The following DMGDH variants were observed in gnomAD, a reference collection of about 807,000 sequenced individuals.
The protein encoded by DMGDH is dimethylglycine dehydrogenase, mitochondrial.
DMGDH carries 76 observed loss-of-function variants against 95.2 expected under a neutral mutation model. The ratio of observed to expected loss-of-function variants is 0.80; its 90% CI spans 0.66 to 0.97. The LOEUF (loss-of-function observed/expected upper bound fraction) is 0.97. Ranked by LOEUF, DMGDH falls within the 50% of genes least tolerant of loss-of-function variation. The pLI is 0.00. For synonymous variants in DMGDH, 345 were observed against 377.6 expected (o/e 0.91, Z 1.00); for missense variants, 987 against 1,055.0 (o/e 0.94, Z 0.89).
intron 14 of DMGDH, among the ~76,000 whole-genome samples, chr5:79,022,882 T>C (rs145193609): frequency 2.0e-5 from 3 of 152,296 alleles, no homozygotes; most frequent in Admixed American, 6.5e-5. Context: ...CTTTCAAGAG[T>C]TGGGCCATTT....
chr5:79,000,443 G>T, intron 15 of DMGDH: 1 of 620,558 alleles, frequency 1.6e-6, no homozygotes, highest in South Asian at 1.4e-5. Flanking sequence ...ATTTTCACCT[G>T]TTTGGGACAA....
chr5:79,031,306 C>A (rs992123129), intron 9 of DMGDH, among the ~76,000 whole-genome samples: 1 of 152,136 alleles, frequency 6.6e-6, no homozygotes, highest in Non-Finnish European at 1.5e-5. Flanking sequence ...ATAAGTCAAC[C>A]AGTCTGGTGG....
chr5:79,063,618 G>A lies in DMGDH; in HGVS notation c.271C>T (p.His91Tyr). 6.2e-7 allele frequency: 1 copy of A among 1,614,146 alleles called. No individual in the cohort carries two copies. The highest frequency in any genetic ancestry group is 8.5e-7 in the Non-Finnish European group (1 of 1,180,014). The change falls in exon 2 of 16, where the codon CAC becomes TAC. Residue 91 changes from histidine to tyrosine, a missense_variant. Coordinates refer to ENST00000255189, the MANE Select transcript of DMGDH (RefSeq NM_013391.3). ...KSELTAGSTW[H>Y]AAGLTTYFHP... The stretch of plus-strand genomic sequence containing the variant: ...GTTTGGGGTGCTTTTCTTACTGCGT[G>A]CCAGGTAGATCCAGCCGTGAGCTCT...
chr5:79,024,613 T>C (rs983163874), intron 13 of DMGDH, among the ~76,000 whole-genome samples: 2 of 152,250 alleles, frequency 1.3e-5, no homozygotes, highest in African/African-American at 4.8e-5. Context: ...ATGTACGTGA[T>C]GTTTCTTCTA....
chr5:79,053,053 G>T (rs1754913950), intron 4 of DMGDH, among the ~76,000 whole-genome samples: 1 of 152,116 alleles, frequency 6.6e-6, no homozygotes, highest in African/African-American at 2.4e-5. Flanking sequence ...GCTCTTTCTA[G>T]TGAATGAGCT....
At chr5:79,032,415 C>T (rs751523763) in intron 9 of DMGDH, among the ~76,000 whole-genome samples, 1 of 152,182 alleles carries the variant, frequency 6.6e-6, no homozygotes, top group Admixed American at 6.5e-5. Context: ...GGAGGGCGGT[C>T]GCAAGTTTCT....
intron 1 of DMGDH, among the ~76,000 whole-genome samples, chr5:79,066,438 A>G (rs1472961340): frequency 6.8e-6 from 1 of 147,450 alleles, no homozygotes; most frequent in African/African-American, 2.5e-5. Flanking sequence ...GGCGCCCACC[A>G]CCACGCCCGG....
chr5:79,005,479 T>C, intron 14 of DMGDH, 72 bp from the exon 15 acceptor site: 1 of 1,595,322 alleles, frequency 6.3e-7, no homozygotes, highest in Non-Finnish European at 8.6e-7. Context: ...TGCAAGCATT[T>C]AAATTTGTCT....
chr5:79,020,952 G>A, intron 14 of DMGDH: 1 of 985,410 alleles, frequency 1.0e-6, no homozygotes, highest in Non-Finnish European at 1.2e-6. Flanking sequence ...TCCAAAGGCA[G>A]CTGATTTTCC....
At chr5:79,013,346 T>A (rs1408356599) in intron 14 of DMGDH, among the ~76,000 whole-genome samples, 2 of 152,208 alleles carry the variant, frequency 1.3e-5, no homozygotes, top group Non-Finnish European at 2.9e-5. Context: ...TTCATTTCCA[T>A]CTGAGACCTC....
intron 7 of DMGDH, among the ~76,000 whole-genome samples, chr5:79,035,774 T>G (rs1754332066): frequency 6.6e-6 from 1 of 152,178 alleles, no homozygotes; most frequent in African/African-American, 2.4e-5. Context: ...TCTAATTTAT[T>G]TCTAAAAAGT....
In DMGDH at chr5:79,000,066, T is replaced by C. The variant is rs369281661; in HGVS notation, c.2386-1769A>G. 454 of 346,246 alleles carry C rather than the reference T, an allele frequency of 1.3e-3. 4 individuals carry two copies. The highest frequency in any genetic ancestry group is 5.6e-3 in the African/African-American group (263 of 47,356). 21.4% of individuals were successfully genotyped at this position (346,246 alleles called of 1,614,324 possible). ...TGTCACCTCAGCCCATAACTGCAAG[T>C]GGATACTCCTGGATTTTCACTTACT... On this transcript the variant is annotated intron_variant, in intron 15 of 15. Coordinates refer to ENST00000255189, the MANE Select transcript of DMGDH (RefSeq NM_013391.3).
intron 14 of DMGDH, among the ~76,000 whole-genome samples, chr5:79,014,732 T>A (rs911350095): frequency 2.6e-5 from 4 of 152,220 alleles, no homozygotes; most frequent in African/African-American, 9.6e-5. Context: ...GACAAATTTA[T>A]GGAGTGAACA....
chr5:79,046,655 G>A (rs915504877), intron 5 of DMGDH, among the ~76,000 whole-genome samples: 1 of 152,102 alleles, frequency 6.6e-6, no homozygotes, highest in Non-Finnish European at 1.5e-5. Context: ...CCCAAGTACA[G>A]GCGTTTTGGT....
chr5:79,021,554 C>T, intron 14 of DMGDH: 1 of 1,291,026 alleles, frequency 7.7e-7, no homozygotes, highest in Non-Finnish European at 1.0e-6. Context: ...CTTCAGTACT[C>T]CATTGTTCTT....
In DMGDH at chr5:79,033,351, A is replaced by G. The variant is rs1323029475; in HGVS notation, c.1251T>C (p.His417=). 11 of 1,614,106 alleles carry G rather than the reference A, an allele frequency of 6.8e-6. No individual in the cohort carries two copies. The highest frequency in any genetic ancestry group is 6.7e-5 in the Admixed American group (4 of 60,006). The change falls in exon 8 of 16, where the codon CAT becomes CAC. Residue 417 remains histidine, a synonymous_variant. Transcript: ENST00000255189. ...CTATCAGATCAAAAGGAGGTTCTCC[A>G]TGCAGGATCCAGTCACTGAGATATT... ...VGKYLSDWIL[H]GEPPFDLIEL... is the part of the protein sequence containing the mutation.
intron 7 of DMGDH, among the ~76,000 whole-genome samples, chr5:79,033,865 G>A (rs1394681045): frequency 6.6e-6 from 1 of 152,188 alleles, no homozygotes; most frequent in African/African-American, 2.4e-5. Context: ...CTAGGCGGTA[G>A]AGGCTGCAGT....
At position 79,042,318 on chromosome 5, in the gene DMGDH, C is replaced by CT; in HGVS notation, c.1157dup (p.Val388GlyfsTer26). ...TAGCCACCCAGTAGTTTCTGACCCC[C>CT]TGATGGGGCCCCACCATAGGCAGAA... On this transcript the variant is annotated frameshift_variant, in exon 7 of 16. Transcript: ENST00000255189. LOFTEE classifies it high-confidence loss of function. The CT allele has an allele frequency of 1.2e-6, 2 of 1,614,212 alleles. No individual in the cohort carries two copies. Among genetic ancestry groups the CT allele is most frequent in the Non-Finnish European group, 1.7e-6 (2 of 1,180,030 alleles).
At chr5:79,000,714 C>G in intron 15 of DMGDH, 3 of 622,554 alleles carry the variant, frequency 4.8e-6, no homozygotes, top group Non-Finnish European at 9.2e-6. Flanking sequence ...TCTCCACTCA[C>G]AGGTAAAGAA....
Sources: gnomAD v4.1 joint callset for allele counts (sites outside exome capture counted in the v4.1 genomes callset) on GRCh38, gnomAD v4.1.1 for gene constraint, MANE v1.5 for transcripts, NCBI Gene and HGNC (gene_info 2026-07-23, HGNC 2026-07-21) for gene names.